Variants in ACSBG1 observed in about 807,000 individuals in gnomAD.
ACSBG1 encodes the protein acyl-CoA synthetase bubblegum family member 1.
Under a neutral mutation model 80.2 loss-of-function variants are expected in ACSBG1, and 39 were observed. The observed-to-expected ratio is 0.49, with a 90% confidence interval of 0.38 to 0.64. The LOEUF is 0.64. Ranked by LOEUF, ACSBG1 falls within the 30% of genes least tolerant of loss-of-function variation. The pLI, the probability that ACSBG1 is intolerant of heterozygous loss-of-function variation, is 0.00. For synonymous variants in ACSBG1, 392 were observed against 379.5 expected, an observed-to-expected ratio of 1.03 and a Z score of -0.38; for missense variants, 828 against 966.4, an observed-to-expected ratio of 0.86 and a Z score of 1.90.
intron 1 of ACSBG1, among the ~76,000 whole-genome samples, chr15:78,215,172 T>C (rs186306380): frequency 2.0e-5 from 3 of 152,306 alleles, no homozygotes; most frequent in Admixed American, 6.5e-5. Context: ...ACCTCTCCTT[T>C]GTCCTGAAGA....
chr15:78,179,511 C>T (rs374328585), intron 10 of ACSBG1, 39 bp downstream of exon 10: 174 of 1,571,650 alleles, frequency 1.1e-4, no homozygotes, highest in South Asian at 6.3e-4. Context: ...CCAGCAAGGG[C>T]GCATGGGTGT....
At chr15:78,185,048 G>GGAGGGAGA (rs2074985854) in intron 5 of ACSBG1, among the ~76,000 whole-genome samples, 1 of 90,098 alleles carries the variant, frequency 1.1e-5, no homozygotes, top group South Asian at 4.3e-4. Flanking sequence ...GGGGCGGAGG[G>GGAGGGAGA]GAGGGAGAGA....
At chr15:78,183,180 T>C (rs1595883580) in intron 5 of ACSBG1, among the ~76,000 whole-genome samples, 1 of 152,182 alleles carries the variant, frequency 6.6e-6, no homozygotes, top group South Asian at 2.1e-4. Context: ...GGATATATTA[T>C]TAAGTGAAAA....
intron 5 of ACSBG1, among the ~76,000 whole-genome samples, chr15:78,185,840 T>C (rs1011369841): frequency 6.6e-6 from 1 of 151,646 alleles, no homozygotes; most frequent in Non-Finnish European, 1.5e-5. Context: ...ATAGAAAACA[T>C]TGAAATGAAA....
In ACSBG1 at chr15:78,178,484, T is replaced by C. The variant is rs2074905588; in HGVS notation, c.1702+130A>G. 1.0e-6 allele frequency: 1 copy of C among 1,001,148 alleles called. No individual in the cohort carries two copies. The highest frequency in any genetic ancestry group is 1.6e-5 in the African/African-American group (1 of 61,440). 62.0% of individuals were successfully genotyped at this position (1,001,148 alleles called of 1,614,324 possible). ...CAGCTAATTTTTCGTGTGTTTTTAG[T>C]AGAGATGGGGTTTCGCTGTGCTGCC... On this transcript the variant is annotated intron_variant, in intron 11 of 13. Transcript: ENST00000258873. The surrounding 1 kb of genome is among the most constrained non-coding windows in gnomAD (Gnocchi z 4.3).
intron 1 of ACSBG1, among the ~76,000 whole-genome samples, chr15:78,221,201 C>T (rs961268742): frequency 6.6e-5 from 10 of 151,948 alleles, no homozygotes; most frequent in African/African-American, 9.7e-5. Flanking sequence ...GGACCTGCAC[C>T]GGCGCCGGTC....
chr15:78,206,815 G>T (rs1287531897), intron 2 of ACSBG1, among the ~76,000 whole-genome samples: 1 of 152,236 alleles, frequency 6.6e-6, no homozygotes, highest in Non-Finnish European at 1.5e-5. Flanking sequence ...GGGATTATGT[G>T]TTTCTCCCTC....
chr15:78,193,755 C>T, intron 4 of ACSBG1, 129 bp from the exon 5 acceptor site: 1 of 1,444,468 alleles, frequency 6.9e-7, no homozygotes, highest in Non-Finnish European at 9.3e-7. Context: ...TCCCAAGGCA[C>T]CTGAGCACCT....
chr15:78,174,831 C>A, intron 11 of ACSBG1: 1 of 430,122 alleles, frequency 2.3e-6, no homozygotes, highest in Non-Finnish European at 4.2e-6. Context: ...CCCAAATAGC[C>A]CGTGTCATTT....
rs1467123280 is a variant in ACSBG1 at position 78,178,633 on chromosome 15, G to A, written c.1683C>T (p.Tyr561=). Residue 561 remains tyrosine, a synonymous_variant, in exon 11 of 14, where the codon TAC becomes TAT. Coordinates refer to ENST00000258873, the MANE Select transcript of ACSBG1 (RefSeq NM_015162.5). The surrounding 1 kb of genome is among the most constrained non-coding windows in gnomAD (Gnocchi z 4.3). ...AGRLDADGFL[Y]ITGRLKELII... ...GCTCACCTTTGAGGCGCCCAGTGAT[G>A]TAGAGGAAGCCATCGGCGTCCAGGC... is the stretch of plus-strand genomic sequence containing the variant. 6.2e-7 allele frequency: 1 copy of A among 1,612,774 alleles called. No homozygotes were observed. The highest frequency in any genetic ancestry group is 1.1e-5 in the South Asian group (1 of 90,986).
At chr15:78,175,578 C>T (rs1182039162) in intron 11 of ACSBG1, among the ~76,000 whole-genome samples, 1 of 152,192 alleles carries the variant, frequency 6.6e-6, no homozygotes, top group African/African-American at 2.4e-5. Flanking sequence ...AAGGGAACTG[C>T]AGGTAGCAAG....
intron 1 of ACSBG1, among the ~76,000 whole-genome samples, chr15:78,221,923 TTAACAGCATCTC>T (rs1206363810): frequency 2.0e-5 from 3 of 152,204 alleles, no homozygotes; most frequent in African/African-American, 2.4e-5. Flanking sequence ...AAGTCACAGA[TTAACAGCATCTC>T]AAAGCAGAAA....
Position 78,196,290 on chromosome 15 carries a change from G to A in ACSBG1, c.233-1564C>T, listed in dbSNP as rs373969863. ...GCCCCATATCCCGGGATGCTAGCCT[G>A]GTGGACCCCGCTGATCTGCCTCTTC... On this transcript the variant is annotated intron_variant, in intron 2 of 13. Transcript: ENST00000258873. Among the ~76,000 whole-genome samples, 8 of 152,352 alleles carry A rather than the reference G, an allele frequency of 5.3e-5. No homozygotes were observed. The South Asian group carries it at 1.4e-3, about 28-fold the overall frequency.
rs2074799331 is a variant in ACSBG1, at chr15:78,169,931, A to G, written c.*1513T>C. 6.6e-6 allele frequency: 1 copy of G among 152,222 alleles called. No homozygotes were observed. The allele number at this position is 152,222 out of a possible 1,614,324, so 9.4% of individuals were successfully genotyped here. On this transcript the variant is annotated 3_prime_UTR_variant, in exon 14 of 14. Transcript: ENST00000258873. ...CGATACTGCCGAAAGGCCCGAACAC[A>G]TGTATTTTGGCTGCAATTGAGGAAC...
At chr15:78,203,185 C>T (rs1020768348) in intron 2 of ACSBG1, among the ~76,000 whole-genome samples, 1 of 152,118 alleles carries the variant, frequency 6.6e-6, no homozygotes, top group Non-Finnish European at 1.5e-5. Flanking sequence ...CAGGGCACAA[C>T]CATCAGCTCT....
In ACSBG1 at chr15:78,226,779, T is replaced by C. The variant is rs554617069; in HGVS notation, c.131+7592A>G. 3.3e-3 allele frequency among the ~76,000 whole-genome samples: 200 copies of C among 61,170 alleles called. 1 individual carries two copies. The highest frequency in any genetic ancestry group is 8.9e-3 in the African/African-American group (191 of 21,492). 40.1% of individuals were successfully genotyped at this position (61,170 alleles called of 152,430 possible). A position where few individuals can be genotyped will look rare whatever the true frequency, so the allele number is the denominator to read the frequency against. On this transcript the variant is annotated intron_variant, in intron 1 of 13. Transcript: ENST00000258873. ...TTAATGTAGGAAATAGTAGAACACA[T>C]AGAAAAATATATATATATATATAAT...
intron 1 of ACSBG1, chr15:78,209,335 G>A: frequency 2.3e-6 from 1 of 443,630 alleles, no homozygotes; most frequent in South Asian, 1.6e-5. Flanking sequence ...GAACCAAGGT[G>A]GCGCCGTTCT....
rs1283174721 is a variant in ACSBG1 at position 78,215,772 on chromosome 15, AAGAAAGAAAGAAAGAGAAAGAAAG to A, written c.132-7694_132-7671del. Among the ~76,000 whole-genome samples the A allele has an allele frequency of 1.1e-4, 17 of 149,166 alleles. 1 individual carries two copies. The East Asian group carries it at 3.5e-3, about 31-fold the overall frequency. On this transcript the variant is annotated intron_variant, in intron 1 of 13. Coordinates refer to ENST00000258873, the MANE Select transcript of ACSBG1 (RefSeq NM_015162.5). ...AAAGAAAGAAAGAAAGAAAGAAAGAAAGAAAGAAAGAAAGAGAAAGAAAGAGAGAAAGGAAGGATGGAAGGAAGG... is the reference window on the plus strand; with the variant it reads ...AAAGAAAGAAAGAAAGAAAGAAAGAAAGAGAAAGGAAGGATGGAAGGAAGG...
intron 1 of ACSBG1, among the ~76,000 whole-genome samples, chr15:78,226,048 A>G (rs1401873059): frequency 6.6e-6 from 1 of 152,232 alleles, no homozygotes; most frequent in African/African-American, 2.4e-5. Context: ...TCTTAGTGTG[A>G]GCAAGAAAGA....
Sources: gnomAD v4.1 joint callset for allele counts (sites outside exome capture counted in the v4.1 genomes callset) on GRCh38, gnomAD v4.1.1 for gene constraint, Gnocchi (gnomAD v3.1) non-coding constraint, MANE v1.5 for transcripts, NCBI Gene and HGNC (gene_info 2026-07-23, HGNC 2026-07-21) for gene names.